The following SBNO2 variants were observed in gnomAD, a reference collection of about 807,000 sequenced individuals.
The protein encoded by SBNO2 is protein strawberry notch homolog 2.
Under a neutral mutation model 146.3 loss-of-function variants are expected in SBNO2, and 89 were observed. That is an observed-to-expected ratio of 0.61 (90% CI 0.51 to 0.73). The LOEUF (loss-of-function observed/expected upper bound fraction) is 0.73, where lower values mean the gene tolerates loss of function less well. SBNO2 is among the 30% of genes least tolerant of loss of function. The pLI is 0.00. For missense variants in SBNO2, 2,092 were observed against 2,003.7 expected (o/e 1.04, Z -0.84); for synonymous variants, 1,147 against 892.6 (o/e 1.29, Z -5.08).
chr19:1,131,849 A>T lies in SBNO2; in HGVS notation c.280-4084T>A, dbSNP rs552375163. On this transcript the variant is annotated intron_variant, in intron 4 of 31. Coordinates refer to ENST00000361757, the MANE Select transcript of SBNO2 (RefSeq NM_014963.3). ...TCCGCTCGGGTCCCCCAGCCTACGCACAGGGCGCCGCTCCCAGCCCGAAGT... is the reference window on the plus strand; with the variant it reads ...TCCGCTCGGGTCCCCCAGCCTACGCTCAGGGCGCCGCTCCCAGCCCGAAGT... 7.2e-5 allele frequency among the ~76,000 whole-genome samples: 11 copies of T among 152,200 alleles called. No individual in the cohort carries two copies. In the South Asian group the frequency reaches 2.3e-3, roughly 32 times the overall value.
rs1322528152 is a variant in SBNO2 at position 1,136,984 on chromosome 19, TG to T, written c.280-9220del. The stretch of plus-strand genomic sequence containing the variant: ...AGGTGGTGGGCAAGGGGGCAGCACC[TG>T]GGGAATGGGGATGGGCTGTGGGTGC... On this transcript the variant is annotated intron_variant, in intron 4 of 31. Coordinates refer to ENST00000361757, the MANE Select transcript of SBNO2 (RefSeq NM_014963.3). The surrounding 1 kb of genome is among the most constrained non-coding windows in gnomAD (Gnocchi z 4.2). Among the ~76,000 whole-genome samples, 1 of 150,892 alleles carries T rather than the reference TG, an allele frequency of 6.6e-6. No homozygotes were observed. The highest frequency in any genetic ancestry group is 2.4e-5 in the African/African-American group (1 of 40,954).
intron 23 of SBNO2, 57 bp downstream of exon 23, chr19:1,111,939 G>A (rs1214968049): frequency 2.1e-6 from 3 of 1,456,030 alleles, no homozygotes; most frequent in South Asian, 1.2e-5. Context: ...CTTAGATCCG[G>A]CCCTCCCTAG....
chr19:1,147,842 GA>G lies in SBNO2; in HGVS notation c.168-423del, dbSNP rs145266106. On this transcript the variant is annotated intron_variant, in intron 3 of 31. Transcript: ENST00000361757. ...TCGAAGGAGGAGAGCGCTACGGGCAGAAACCCAGGATCACCGTCCTCCAGGG... is the reference window on the plus strand; with the variant it reads ...TCGAAGGAGGAGAGCGCTACGGGCAGAACCCAGGATCACCGTCCTCCAGGG... Among the ~76,000 whole-genome samples the G allele has an allele frequency of 9.1e-3, 1,388 of 152,232 alleles. 8 individuals carry two copies. Among genetic ancestry groups the G allele is most frequent in the Non-Finnish European group, 0.014 (981 of 67,966 alleles).
intron 18 of SBNO2, among the ~76,000 whole-genome samples, chr19:1,113,928 CTG>C: frequency 6.6e-6 from 1 of 152,350 alleles, no homozygotes; most frequent in East Asian, 1.9e-4. Context: ...GGACCAAACA[CTG>C]TGACCTCACT....
At chr19:1,119,846 G>A (rs1316137330) in intron 12 of SBNO2, 60 bp downstream of exon 12, 5 of 1,322,124 alleles carry the variant, frequency 3.8e-6, no homozygotes. Flanking sequence ...CCCTTCGCGG[G>A]GACAGCCAGG....
rs773193846 is a variant in SBNO2, at chr19:1,113,526, C to G, written c.2247+9G>C. 2 of 1,588,732 alleles carry G rather than the reference C, an allele frequency of 1.3e-6. No individual in the cohort carries two copies. Among genetic ancestry groups the G allele is most frequent in the African/African-American group, 2.8e-5 (2 of 72,688 alleles). On this transcript the variant is annotated intron_variant, in intron 19 of 31. Coordinates refer to ENST00000361757, the MANE Select transcript of SBNO2 (RefSeq NM_014963.3). Reference sequence around the variant, plus strand: ...GCCCACCACACTCCAGCTGCCACGTCCCACCCACCTCCGCCACCCGCTGGG... The same window carrying G: ...GCCCACCACACTCCAGCTGCCACGTGCCACCCACCTCCGCCACCCGCTGGG...
At chr19:1,168,277 G>T (rs898871401) in intron 1 of SBNO2, among the ~76,000 whole-genome samples, 1 of 151,978 alleles carries the variant, frequency 6.6e-6, no homozygotes, top group Non-Finnish European at 1.5e-5. Flanking sequence ...CCAAGCTCCT[G>T]GCGGGTAGCA....
At position 1,147,524 on chromosome 19, in the gene SBNO2, C is replaced by T. The variant is rs542044011; in HGVS notation, c.168-104G>A. 18 of 631,376 alleles carry T rather than the reference C, an allele frequency of 2.9e-5. No individual in the cohort carries two copies. The African/African-American group carries it at 2.9e-4, about 10-fold the overall frequency. The allele number at this position is 631,376 out of a possible 1,614,324, so 39.1% of individuals were successfully genotyped here. On this transcript the variant is annotated intron_variant, in intron 3 of 31. Coordinates refer to ENST00000361757, the MANE Select transcript of SBNO2 (RefSeq NM_014963.3). Reference sequence around the variant, plus strand: ...CCGCAGCCAGAGGCCCCTCGAGGCCCCACTGGAGTGTGCCCAGCCCGGCAG... The same window carrying T: ...CCGCAGCCAGAGGCCCCTCGAGGCCTCACTGGAGTGTGCCCAGCCCGGCAG...
In SBNO2 at chr19:1,119,788, C is replaced by A. The variant is rs942420233; in HGVS notation, c.1267+118G>T. ...ACAGGCGCAGAGGTGCCCCAGTGTC[C>A]GAGGAGGAGCAGGGTGCAGACGGAG... On this transcript the variant is annotated intron_variant, in intron 12 of 31. Transcript: ENST00000361757. 1.1e-5 allele frequency: 11 copies of A among 965,804 alleles called. No individual in the cohort carries two copies. The South Asian group carries it at 1.3e-4, about 12-fold the overall frequency. 59.8% of individuals were successfully genotyped at this position (965,804 alleles called of 1,614,324 possible). A position where few individuals can be genotyped will look rare whatever the true frequency, so the allele number is the denominator to read the frequency against.
chr19:1,108,066 C>G lies in SBNO2; in HGVS notation c.*154G>C. On this transcript the variant is annotated 3_prime_UTR_variant, in exon 32 of 32. Coordinates refer to ENST00000361757, the MANE Select transcript of SBNO2 (RefSeq NM_014963.3). The stretch of plus-strand genomic sequence containing the variant: ...CTGAGTGGGCCCCGCCAGGGCTGAC[C>G]AGGTGGGGGCCCGGGTCGGGCGCTG... The G allele has an allele frequency of 1.2e-6, 1 of 860,426 alleles. No individual in the cohort carries two copies. The highest frequency in any genetic ancestry group is 1.6e-6 in the Non-Finnish European group (1 of 622,362). The allele number at this position is 860,426 out of a possible 1,614,324, so 53.3% of individuals were successfully genotyped here.
Position 1,108,643 on chromosome 19 carries a change from C to G in SBNO2, c.3678G>C (p.Ala1226=), listed in dbSNP as rs777786299. 13 of 1,509,482 alleles carry G rather than the reference C, an allele frequency of 8.6e-6. 1 individual carries two copies. In the Admixed American group the frequency reaches 2.3e-4, roughly 27 times the overall value. The allele number at this position is 1,509,482 out of a possible 1,614,324, so 93.5% of individuals were successfully genotyped here. A position where few individuals can be genotyped will look rare whatever the true frequency, so the allele number is the denominator to read the frequency against. ...CGGGCGCCTGCCTGCGCTTCACGTC[C>G]GCATCCATCAGCCGCAGCTCCTGCA... ...RVLQELRLMD[A]DVKRRQAPAL... is the part of the protein sequence containing the mutation. Residue 1226 remains alanine (A), a synonymous_variant, in exon 32 of 32, where the codon GCG becomes GCC. Transcript: ENST00000361757.
intron 16 of SBNO2, among the ~76,000 whole-genome samples, chr19:1,116,556 CG>C (rs1436520831): frequency 6.6e-6 from 1 of 152,134 alleles, no homozygotes; most frequent in African/African-American, 2.4e-5. Context: ...CTTGTTAAAA[CG>C]GCACAGATGC....
Position 1,136,447 on chromosome 19 carries a change from C to A in SBNO2, c.280-8682G>T, listed in dbSNP as rs2080085309. ...CCTGGCGCACAGCTTCCTGCTGAGT[C>A]TCCCTCTCTAAGGCTGTCTGTGGGC... On this transcript the variant is annotated intron_variant, in intron 4 of 31. Coordinates refer to ENST00000361757, the MANE Select transcript of SBNO2 (RefSeq NM_014963.3). The surrounding 1 kb of genome is among the most constrained non-coding windows in gnomAD (Gnocchi z 4.2). Among the ~76,000 whole-genome samples, 1 of 152,218 alleles carries A rather than the reference C, an allele frequency of 6.6e-6. No individual in the cohort carries two copies. The highest frequency in any genetic ancestry group is 1.5e-5 in the Non-Finnish European group (1 of 68,032).
Position 1,123,064 on chromosome 19 carries a change from A to T in SBNO2, c.629-19T>A. The T allele has an allele frequency of 6.3e-7, 1 of 1,588,388 alleles. No individual in the cohort carries two copies. The highest frequency in any genetic ancestry group is 8.6e-7 in the Non-Finnish European group (1 of 1,168,396). ...ATCTTGGCTGGAGGAGCAAGGACGGAGGGCAAGGTAAAGGGTATGGCCAAG... is the reference window on the plus strand; with the variant it reads ...ATCTTGGCTGGAGGAGCAAGGACGGTGGGCAAGGTAAAGGGTATGGCCAAG... On this transcript the variant is annotated intron_variant, in intron 7 of 31. Transcript: ENST00000361757.
intron 4 of SBNO2, among the ~76,000 whole-genome samples, chr19:1,142,473 A>C (rs1226812187): frequency 2.0e-5 from 3 of 152,212 alleles, no homozygotes; most frequent in African/African-American, 4.8e-5. Flanking sequence ...TGAGGTCAGG[A>C]GTTCGAGACC....
intron 2 of SBNO2, 116 bp downstream of exon 2, chr19:1,154,068 G>C: frequency 2.2e-6 from 1 of 460,438 alleles, no homozygotes; most frequent in Non-Finnish European, 3.5e-6. Flanking sequence ...AGGTCAGGTG[G>C]AGATCACGCC....
At chr19:1,167,316 C>A (rs979170706) in intron 1 of SBNO2, among the ~76,000 whole-genome samples, 20 of 152,282 alleles carry the variant, frequency 1.3e-4, no homozygotes, top group Admixed American at 5.2e-4. Flanking sequence ...CCCACGCGCC[C>A]TCTCTGGGCC....
rs765685349 is a variant in SBNO2, at chr19:1,144,707, A to G, written c.279+2602T>C. 1.8e-4 allele frequency among the ~76,000 whole-genome samples: 25 copies of G among 140,446 alleles called. No homozygotes were observed. The highest frequency in any genetic ancestry group is 2.9e-4 in the Non-Finnish European group (19 of 64,556). The allele number at this position is 140,446 out of a possible 152,430, so 92.1% of individuals were successfully genotyped here. Reference sequence around the variant, plus strand: ...AGAGGGCGACAGAGACAGAGAGGGAAACAGACACAGAGGCAGAGAGGGAGA... The same window carrying G: ...AGAGGGCGACAGAGACAGAGAGGGAGACAGACACAGAGGCAGAGAGGGAGA... On this transcript the variant is annotated intron_variant, in intron 4 of 31. Coordinates refer to ENST00000361757, the MANE Select transcript of SBNO2 (RefSeq NM_014963.3). This position sits in a 1 kb window ranked among gnomAD's most constrained non-coding sequence, Gnocchi z 4.1.
chr19:1,108,385 G>C lies in SBNO2; in HGVS notation c.3936C>G (p.Phe1312Leu). 7.8e-7 allele frequency: 1 copy of C among 1,288,278 alleles called. No individual in the cohort carries two copies. The highest frequency in any genetic ancestry group is 9.9e-7 in the Non-Finnish European group (1 of 1,011,846). The allele number at this position is 1,288,278 out of a possible 1,614,324, so 79.8% of individuals were successfully genotyped here. The stretch of plus-strand genomic sequence containing the variant: ...GCAGCATGTCCTCCAGCACCTCCTT[G>C]AAGTTGATGTCGCAGCCCTGGTGCG... ...ALAHQGCDIN[F>L]KEVLEDMLRS... is the part of the protein sequence containing the mutation. Residue 1312 changes from phenylalanine (F) to leucine (L), a missense_variant, in exon 32 of 32, where the codon TTC (phenylalanine) becomes TTG (leucine). By Grantham distance (22) the Phe-to-Leu change is conservative. Coordinates refer to ENST00000361757, the MANE Select transcript of SBNO2 (RefSeq NM_014963.3).
Sources: allele counts gnomAD v4.1 joint callset (sites outside exome capture counted in the v4.1 genomes callset), GRCh38; gene constraint gnomAD v4.1.1; non-coding constraint Gnocchi (gnomAD v3.1); transcripts MANE v1.5; gene names NCBI Gene and HGNC (gene_info 2026-07-23, HGNC 2026-07-21).